HDAC9: variants seen among roughly 807,000 people sequenced by gnomAD.
The protein encoded by HDAC9 is histone deacetylase 9.
HDAC9 carries 41 observed loss-of-function variants against 139.4 expected under a neutral mutation model. That is an observed-to-expected ratio of 0.29 (90% CI 0.23 to 0.38). The LOEUF is 0.38. Among genes scored for constraint, HDAC9 ranks in the 10% least tolerant of loss-of-function variants. The probability of loss-of-function intolerance (pLI) is 1.00; values close to 1 mark genes in which losing one functional copy is unlikely to be tolerated. For synonymous variants in HDAC9, 517 were observed against 476.2 expected (o/e 1.09, Z -1.12); for missense variants, 1,147 against 1,297.0 (o/e 0.88, Z 1.78).
intron 1 of HDAC9, among the ~76,000 whole-genome samples, chr7:18,141,822 C>CATTT (rs1311479421): frequency 1.3e-5 from 2 of 152,190 alleles, no homozygotes; most frequent in East Asian, 1.9e-4. Flanking sequence ...TTATTCATTT[C>CATTT]ATTTATTTAT....
At chr7:18,597,472 T>G (rs1406628237) in intron 6 of HDAC9, among the ~76,000 whole-genome samples, 1 of 152,182 alleles carries the variant, frequency 6.6e-6, no homozygotes. Context: ...TTATTGTTTT[T>G]ATATAGTACA....
chr7:18,576,235 C>G (rs374369851), intron 2 of HDAC9, among the ~76,000 whole-genome samples: 2 of 152,116 alleles, frequency 1.3e-5, no homozygotes, highest in East Asian at 1.9e-4. Context: ...ACAGAGAAAG[C>G]ACACTATGGA....
At chr7:18,143,060 T>C (rs573034220) in intron 1 of HDAC9, among the ~76,000 whole-genome samples, 1 of 152,292 alleles carries the variant, frequency 6.6e-6, no homozygotes, top group East Asian at 1.9e-4. Context: ...GTAACCTGGG[T>C]GAGATGCTTC....
chr7:18,736,869 T>A (rs1232945747), intron 13 of HDAC9, among the ~76,000 whole-genome samples: 1 of 152,176 alleles, frequency 6.6e-6, no homozygotes, highest in Non-Finnish European at 1.5e-5. Context: ...GGTATTGGAC[T>A]TTTTTTGGTT....
At chr7:18,431,682 T>G (rs1421659255) in intron 1 of HDAC9, among the ~76,000 whole-genome samples, 1 of 152,174 alleles carries the variant, frequency 6.6e-6, no homozygotes, top group Non-Finnish European at 1.5e-5. Flanking sequence ...CCTTAAAAAG[T>G]AAATATTAGA....
intron 11 of HDAC9, among the ~76,000 whole-genome samples, chr7:18,662,926 A>G (rs769638083): frequency 2.6e-5 from 4 of 151,918 alleles, no homozygotes; most frequent in Admixed American, 6.6e-5. Context: ...TTTGGCAGAG[A>G]TTTAGTATTG....
intron 11 of HDAC9, among the ~76,000 whole-genome samples, chr7:18,651,383 T>A (rs377565029): frequency 6.6e-6 from 1 of 152,298 alleles, no homozygotes; most frequent in East Asian, 1.9e-4. Flanking sequence ...TTTAAATATA[T>A]CTTCTTTTAT....
intron 25 of HDAC9, among the ~76,000 whole-genome samples, chr7:18,992,116 A>T (rs1786028023): frequency 6.6e-6 from 1 of 152,262 alleles, no homozygotes; most frequent in African/African-American, 2.4e-5. Context: ...TTATATACAC[A>T]AAATATATGA....
At chr7:18,904,558 T>C (rs555501914) in intron 22 of HDAC9, among the ~76,000 whole-genome samples, 8 of 148,944 alleles carry the variant, frequency 5.4e-5, no homozygotes, top group African/African-American at 2.0e-4. Flanking sequence ...GGGAACCCTC[T>C]ACCCTCCCCA....
chr7:18,616,295 A>G (rs77417086), intron 6 of HDAC9, among the ~76,000 whole-genome samples: 4 of 147,108 alleles, frequency 2.7e-5, no homozygotes, highest in Non-Finnish European at 4.6e-5. Flanking sequence ...TGCCTACCCC[A>G]AGTGCTTAGA....
At chr7:18,097,344 C>A (rs1433545836) in intron 1 of HDAC9, among the ~76,000 whole-genome samples, 1 of 152,112 alleles carries the variant, frequency 6.6e-6, no homozygotes, top group Non-Finnish European at 1.5e-5. Flanking sequence ...TCCTAAATGA[C>A]CAGCAACATT....
At position 18,667,613 on chromosome 7, in the gene HDAC9, C is replaced by T. The variant is rs143784774; in HGVS notation, c.1731+1137C>T. Reference sequence around the variant, plus strand: ...TCTTTGTCAGGTTCCTGCTGTTCTCCTACAGAAAAGTGATTCTGTGAGGGT... The same window carrying T: ...TCTTTGTCAGGTTCCTGCTGTTCTCTTACAGAAAAGTGATTCTGTGAGGGT... On this transcript the variant is annotated intron_variant, in intron 12 of 25. Transcript: ENST00000686413. 1.1e-3 allele frequency: 1,091 copies of T among 985,092 alleles called. 7 individuals are homozygous for T. The African/African-American group carries it at 0.018, about 16-fold the overall frequency. 61.0% of individuals were successfully genotyped at this position (985,092 alleles called of 1,614,324 possible). A position where few individuals can be genotyped will look rare whatever the true frequency, so the allele number is the denominator to read the frequency against.
Position 18,376,019 on chromosome 7 carries a change from T to C in HDAC9, c.-42+85504T>C, listed in dbSNP as rs1013279403. Among the ~76,000 whole-genome samples, 10 of 152,320 alleles carry C rather than the reference T, an allele frequency of 6.6e-5. No individual in the cohort carries two copies. In the East Asian group the frequency reaches 1.9e-3, roughly 29 times the overall value. ...GATCATTAAAACATGATTATTGACC[T>C]TGAGTGTTATCGTTTAGTTAGGTGG... On this transcript the variant is annotated intron_variant, in intron 1 of 3. Transcript: ENST00000413509.
intron 2 of HDAC9, chr7:18,543,231 A>G (rs998221814): frequency 6.6e-6 from 1 of 152,132 alleles, no homozygotes. Context: ...AAATAGAGGG[A>G]CATACATCTT....
chr7:18,865,647 A>G (rs1290513145), intron 21 of HDAC9, among the ~76,000 whole-genome samples: 1 of 152,158 alleles, frequency 6.6e-6, no homozygotes, highest in Non-Finnish European at 1.5e-5. Flanking sequence ...CTGCAGCACT[A>G]GCAGCCACAA....
rs1286078404 is a variant in HDAC9, at chr7:18,495,801, A to G, written c.-264A>G. 1 of 1,006,806 alleles carries G rather than the reference A, an allele frequency of 9.9e-7. No individual in the cohort carries two copies. The highest frequency in any genetic ancestry group is 4.6e-5 in the South Asian group (1 of 21,862). 62.4% of individuals were successfully genotyped at this position (1,006,806 alleles called of 1,614,324 possible). ...AAGGGCACCGGCTGGAGCCACTTGC[A>G]GGACTGAGGGTTTTTGCAACAAAAC... On this transcript the variant is annotated 5_prime_UTR_variant, in exon 1 of 26. Transcript: ENST00000686413.
intron 12 of HDAC9, among the ~76,000 whole-genome samples, chr7:18,707,359 G>T (rs953235141): frequency 3.9e-5 from 6 of 152,216 alleles, no homozygotes; most frequent in African/African-American, 1.4e-4. Flanking sequence ...CCTAAGCAGA[G>T]AAGTCAATGT....
chr7:18,094,593 G>A (rs1782381793), intron 1 of HDAC9, among the ~76,000 whole-genome samples: 2 of 151,766 alleles, frequency 1.3e-5, no homozygotes, highest in Admixed American at 6.6e-5. Context: ...CAGCGTACCT[G>A]GCTAATTAAA....
At chr7:18,189,920 G>GGT (rs35060071) in intron 2 of HDAC9, among the ~76,000 whole-genome samples, 4,027 of 145,118 alleles carry the variant, frequency 0.028, 81 homozygotes, top group African/African-American at 0.044. Flanking sequence ...ACTTGTGTGT[G>GGT]GTGTGTGTGT....
Sources: allele counts gnomAD v4.1 joint callset (sites outside exome capture counted in the v4.1 genomes callset), GRCh38; gene constraint gnomAD v4.1.1; transcripts MANE v1.5; gene names NCBI Gene and HGNC (gene_info 2026-07-23, HGNC 2026-07-21).